CNGA1: variants seen among roughly 807,000 people sequenced by gnomAD.
CNGA1 encodes cyclic nucleotide gated channel subunit alpha 1.
In CNGA1, 53 loss-of-function variants were observed where a neutral mutation model predicts 69.7. The ratio of observed to expected loss-of-function variants is 0.76; its 90% CI spans 0.61 to 0.96. The LOEUF (loss-of-function observed/expected upper bound fraction) is 0.96, where lower values mean the gene tolerates loss of function less well. Ranked by LOEUF, CNGA1 falls within the 40% of genes least tolerant of loss-of-function variation. CNGA1 has a pLI of 0.00. For synonymous variants in CNGA1, 249 were observed against 283.5 expected (o/e 0.88, Z 1.22); for missense variants, 739 against 811.2 (o/e 0.91, Z 1.08).
chr4:47,953,230 T>A (rs1375814880), intron 3 of CNGA1, among the ~76,000 whole-genome samples: 2 of 152,258 alleles, frequency 1.3e-5, no homozygotes, highest in Non-Finnish European at 2.9e-5. Flanking sequence ...AGGCATGGCC[T>A]GTTCCCCTAA....
At chr4:48,010,485 CCCAAGATGGTGGCGAGCCACTT>C (rs1369200417) in intron 2 of CNGA1, among the ~76,000 whole-genome samples, 1 of 152,178 alleles carries the variant, frequency 6.6e-6, no homozygotes, top group African/African-American at 2.4e-5. Flanking sequence ...TCACAGAGCT[CCCAAGATGGTGGCGAGCCACTT>C]CCAAGATGGT....
rs562708450 is a variant in CNGA1, at chr4:47,940,056, T to C, written c.652+707A>G. 3.3e-5 allele frequency among the ~76,000 whole-genome samples: 5 copies of C among 152,320 alleles called. No individual in the cohort carries two copies. The East Asian group carries it at 7.7e-4, about 23-fold the overall frequency. ...CTCCTATGCTGTTACCATGGGCTTG[T>C]GTGTTTTAAACCCAGCATTTCAGCC... On this transcript the variant is annotated intron_variant, in intron 10 of 10. Coordinates refer to ENST00000514170, the MANE Select transcript of CNGA1 (RefSeq NM_001379270.1).
chr4:48,002,417 G>A (rs1052610234), intron 2 of CNGA1, among the ~76,000 whole-genome samples: 3 of 152,040 alleles, frequency 2.0e-5, no homozygotes, highest in African/African-American at 4.8e-5. Flanking sequence ...AGTAGAGAAA[G>A]TTTAATAGAT....
At chr4:47,943,343 T>C (rs202182638) in intron 7 of CNGA1, 28 bp downstream of exon 7, 314 of 1,512,144 alleles carry the variant, frequency 2.1e-4, no homozygotes, top group Non-Finnish European at 3.8e-5. Context: ...GGCAGAAAAA[T>C]GTGGGGTAAT....
At chr4:47,977,415 GA>G (rs1007049070) in intron 3 of CNGA1, among the ~76,000 whole-genome samples, 9 of 152,166 alleles carry the variant, frequency 5.9e-5, no homozygotes. Flanking sequence ...TCAGCCTCCA[GA>G]AGCATGAGAA....
At chr4:48,008,976 A>G (rs1447841326) in intron 2 of CNGA1, among the ~76,000 whole-genome samples, 1 of 140,582 alleles carries the variant, frequency 7.1e-6, no homozygotes, top group Non-Finnish European at 1.6e-5. Flanking sequence ...TGTCTTATTT[A>G]TTAAAGATTA....
At chr4:47,983,155 CTTAGAAA>C (rs1560304979) in intron 2 of CNGA1, among the ~76,000 whole-genome samples, 2 of 152,176 alleles carry the variant, frequency 1.3e-5, no homozygotes, top group South Asian at 4.1e-4. Context: ...TTAGTGTTTA[CTTAGAAA>C]TTAGATCACT....
At chr4:48,013,993 C>G (rs777664494) in intron 1 of CNGA1, among the ~76,000 whole-genome samples, 2 of 152,196 alleles carry the variant, frequency 1.3e-5, no homozygotes, top group African/African-American at 4.8e-5. Context: ...TCCCTTGAGG[C>G]CCTAAGGCTC....
intron 3 of CNGA1, among the ~76,000 whole-genome samples, chr4:47,970,487 C>T (rs1213423852): frequency 2.6e-5 from 4 of 151,890 alleles, no homozygotes; most frequent in South Asian, 4.2e-4. Flanking sequence ...CCCATCTCTA[C>T]TAAAAAAATA....
intron 3 of CNGA1, among the ~76,000 whole-genome samples, chr4:47,965,181 C>T (rs1039167533): frequency 1.3e-5 from 2 of 151,960 alleles, no homozygotes; most frequent in Non-Finnish European, 2.9e-5. Flanking sequence ...TATGAAAATG[C>T]CTCTTGATTT....
intron 3 of CNGA1, among the ~76,000 whole-genome samples, chr4:47,961,218 A>T (rs1015750188): frequency 3.3e-5 from 5 of 152,360 alleles, no homozygotes; most frequent in Admixed American, 3.3e-4. Context: ...ACATTGAGTT[A>T]TCTCCTCCTT....
At position 47,936,190 on chromosome 4, in the gene CNGA1, A is replaced by C. The variant is rs1003258504; in HGVS notation, c.*231T>G. 15 of 558,050 alleles carry C rather than the reference A, an allele frequency of 2.7e-5. No homozygotes were observed. Among genetic ancestry groups the C allele is most frequent in the African/African-American group, 2.4e-4 (13 of 53,118 alleles). 34.6% of individuals were successfully genotyped at this position (558,050 alleles called of 1,614,324 possible). A position where few individuals can be genotyped will look rare whatever the true frequency, so the allele number is the denominator to read the frequency against. The stretch of plus-strand genomic sequence containing the variant: ...AAATACAGACACTGACAAGTTAATC[A>C]GTTTATATCTTTGCACATTATCAGT... On this transcript the variant is annotated 3_prime_UTR_variant, in exon 11 of 11. Transcript: ENST00000514170.
chr4:48,002,813 A>C (rs903379258), intron 2 of CNGA1, among the ~76,000 whole-genome samples: 2 of 152,100 alleles, frequency 1.3e-5, no homozygotes, highest in South Asian at 2.1e-4. Flanking sequence ...CTCCGGAATA[A>C]TGGCTGGCAA....
chr4:47,952,864 C>T, intron 3 of CNGA1, 161 bp from the exon 4 acceptor site: 4 of 412,276 alleles, frequency 9.7e-6, no homozygotes, highest in Non-Finnish European at 4.1e-6. Flanking sequence ...GGACTTGTAG[C>T]TCCACATGGC....
intron 2 of CNGA1, among the ~76,000 whole-genome samples, chr4:47,991,371 T>C (rs1171496283): frequency 6.6e-6 from 1 of 152,168 alleles, no homozygotes; most frequent in Non-Finnish European, 1.5e-5. Flanking sequence ...TAAGATGGTA[T>C]TGCATTTCGC....
intron 6 of CNGA1, among the ~76,000 whole-genome samples, chr4:47,943,697 C>G (rs1222841960): frequency 6.6e-6 from 1 of 151,980 alleles, no homozygotes; most frequent in Admixed American, 6.6e-5. Context: ...GAAACAACAG[C>G]CCCCCAAGAG....
chr4:47,954,167 G>A (rs1007419958), intron 3 of CNGA1, among the ~76,000 whole-genome samples: 2 of 152,088 alleles, frequency 1.3e-5, no homozygotes, highest in African/African-American at 4.8e-5. Flanking sequence ...AACATCAAGA[G>A]GAGTTGCGTC....
intron 3 of CNGA1, among the ~76,000 whole-genome samples, chr4:47,967,606 G>T (rs1740793596): frequency 6.6e-6 from 1 of 152,120 alleles, no homozygotes; most frequent in Non-Finnish European, 1.5e-5. Flanking sequence ...ATTTAGCAAG[G>T]TCACAGGACT....
In CNGA1 at chr4:47,997,916, T is replaced by C. The variant is rs911424957; in HGVS notation, c.-123+12878A>G. Among the ~76,000 whole-genome samples, 7 of 152,312 alleles carry C rather than the reference T, an allele frequency of 4.6e-5. No individual in the cohort carries two copies. The East Asian group carries it at 1.2e-3, about 25-fold the overall frequency. On this transcript the variant is annotated intron_variant, in intron 2 of 10. Transcript: ENST00000514170. ...TATCATAAATTGAAATAATCATAAG[T>C]TGAAAAGGCATTTAATACCCCAATA... is the stretch of plus-strand genomic sequence containing the variant.
Sources: allele counts gnomAD v4.1 joint callset (sites outside exome capture counted in the v4.1 genomes callset), GRCh38; gene constraint gnomAD v4.1.1; transcripts MANE v1.5; gene names NCBI Gene and HGNC (gene_info 2026-07-23, HGNC 2026-07-21).